Variants in DDC observed in about 807,000 individuals in gnomAD.
DDC encodes aromatic-L-amino-acid decarboxylase.
In DDC, 43 loss-of-function variants were observed where a neutral mutation model predicts 60.0. That is an observed-to-expected ratio of 0.72 (90% CI 0.56 to 0.92). The LOEUF is 0.92. Ranked by LOEUF, DDC falls within the 40% of genes least tolerant of loss-of-function variation. DDC has a pLI of 0.00. For missense variants in DDC, 573 were observed against 620.2 expected (o/e 0.92, Z 0.81); for synonymous variants, 232 against 234.6 (o/e 0.99, Z 0.10).
At chr7:50,520,130 A>G (rs2153543779) in intron 6 of DDC, among the ~76,000 whole-genome samples, 1 of 152,326 alleles carries the variant, frequency 6.6e-6, no homozygotes, top group Non-Finnish European at 1.5e-5. Flanking sequence ...CAGTCAGAAA[A>G]TAGGTAAGGA....
intron 6 of DDC, among the ~76,000 whole-genome samples, chr7:50,518,047 A>T (rs368401511): frequency 6.6e-6 from 1 of 151,706 alleles, no homozygotes; most frequent in Non-Finnish European, 1.5e-5. Flanking sequence ...ATCTCTACTA[A>T]AAAATACAAA....
intron 14 of DDC, among the ~76,000 whole-genome samples, chr7:50,461,950 T>C (rs193045583): frequency 5.3e-5 from 8 of 152,220 alleles, no homozygotes; most frequent in Admixed American, 4.6e-4. Flanking sequence ...GGCTTCAACT[T>C]TCAGGAGCCA....
At chr7:50,477,035 A>T (rs2042662133) in intron 10 of DDC, among the ~76,000 whole-genome samples, 3 of 152,222 alleles carry the variant, frequency 2.0e-5, no homozygotes, top group Admixed American at 1.3e-4. Context: ...AGTGATTAGA[A>T]TATTTTAAAA....
In DDC at chr7:50,562,877, T is replaced by C. The variant is rs1378841318; in HGVS notation, c.-29+2408A>G. On this transcript the variant is annotated intron_variant, in intron 1 of 14. Coordinates refer to ENST00000444124, the MANE Select transcript of DDC (RefSeq NM_001082971.2). The stretch of plus-strand genomic sequence containing the variant: ...AGTTATTCAGTAGCTATTAAAAAAA[T>C]GTCCAGACTGCCGGGCCCAGTGGCT... 2.6e-5 allele frequency among the ~76,000 whole-genome samples: 4 copies of C among 152,306 alleles called. No individual in the cohort carries two copies. The East Asian group carries it at 7.7e-4, about 29-fold the overall frequency.
chr7:50,460,398 G>T (rs541002757), intron 14 of DDC, among the ~76,000 whole-genome samples: 1,677 of 148,708 alleles, frequency 0.011, 115 homozygotes, highest in African/African-American at 0.041. Flanking sequence ...CGCCCCATCC[G>T]GGAGGAAGGT....
At chr7:50,517,167 C>A (rs6967361) in intron 6 of DDC, among the ~76,000 whole-genome samples, 106,730 of 152,032 alleles carry the variant, frequency 0.7, 37,890 homozygotes, top group East Asian at 0.8. Flanking sequence ...TGCTAAAATC[C>A]TTAACAAAAT....
chr7:50,537,314 T>G (rs2044448992), intron 4 of DDC, among the ~76,000 whole-genome samples: 1 of 152,260 alleles, frequency 6.6e-6, no homozygotes, highest in African/African-American at 2.4e-5. Flanking sequence ...CCACCTGTGC[T>G]GTCCTCCGAG....
chr7:50,470,442 G>A (rs543650936), intron 11 of DDC, among the ~76,000 whole-genome samples: 9 of 152,236 alleles, frequency 5.9e-5, no homozygotes, highest in Admixed American at 2.6e-4. Context: ...GGTGTTTGCG[G>A]CATGCACAGC....
chr7:50,514,484 C>A (rs967971418), intron 6 of DDC, among the ~76,000 whole-genome samples: 1 of 152,166 alleles, frequency 6.6e-6, no homozygotes, highest in South Asian at 2.1e-4. Flanking sequence ...AAGAAAAAAT[C>A]CCTGATTTAC....
chr7:50,496,095 CTT>C (rs112532220), intron 8 of DDC, among the ~76,000 whole-genome samples: 5 of 146,728 alleles, frequency 3.4e-5, no homozygotes, highest in Admixed American at 6.8e-5. Context: ...GCTTCTCTCT[CTT>C]TTTTTTTTTT....
Position 50,467,269 on chromosome 7 carries a change from G to C in DDC, c.1187C>G (p.Pro396Arg). 2 of 1,614,212 alleles carry C rather than the reference G, an allele frequency of 1.2e-6. No homozygotes were observed. Among genetic ancestry groups the C allele is most frequent in the Non-Finnish European group, 1.7e-6 (2 of 1,180,026 alleles). ...HEFESLVRQDPRFEICVEVIL... is the reference protein window; with the variant it reads ...HEFESLVRQDRRFEICVEVIL... ...GACTTCCACACAGATTTCAAAGCGG[G>C]GATCCTGGCGCACCAGTGACTCAAA... Residue 396 changes from proline (P) to arginine (R), a missense_variant, in exon 13 of 15, where the codon CCC (proline) becomes CGC (arginine). Coordinates refer to ENST00000444124, the MANE Select transcript of DDC (RefSeq NM_001082971.2).
At chr7:50,465,841 G>A (rs11768267) in intron 13 of DDC, among the ~76,000 whole-genome samples, 77,367 of 152,134 alleles carry the variant, frequency 0.51, 20,194 homozygotes, top group Admixed American at 0.6. Context: ...TTGGTTGACT[G>A]GACACATCCT....
At chr7:50,472,846 C>A (rs2042563759) in intron 11 of DDC, among the ~76,000 whole-genome samples, 1 of 152,176 alleles carries the variant, frequency 6.6e-6, no homozygotes, top group Non-Finnish European at 1.5e-5. Context: ...CCTTTTCACC[C>A]CACACTTTCT....
intron 6 of DDC, among the ~76,000 whole-genome samples, chr7:50,527,497 C>G (rs1585234338): frequency 6.6e-6 from 1 of 152,106 alleles, no homozygotes; most frequent in African/African-American, 2.4e-5. Flanking sequence ...TTCTTTCTAC[C>G]TGAATGATCT....
intron 13 of DDC, among the ~76,000 whole-genome samples, 169 bp from the exon 14 acceptor site, chr7:50,463,600 T>C (rs746823416): frequency 5.3e-5 from 8 of 152,198 alleles, no homozygotes; most frequent in Non-Finnish European, 5.9e-5. Flanking sequence ...ATAATAGTAA[T>C]GCACCCTAAA....
At chr7:50,515,193 G>A (rs1481823487) in intron 6 of DDC, among the ~76,000 whole-genome samples, 1 of 152,192 alleles carries the variant, frequency 6.6e-6, no homozygotes, top group Non-Finnish European at 1.5e-5. Flanking sequence ...AAACCTATCA[G>A]ATTAACAGCA....
chr7:50,491,350 A>AT (rs148236338), intron 9 of DDC, among the ~76,000 whole-genome samples: 1 of 151,538 alleles, frequency 6.6e-6, no homozygotes, highest in East Asian at 1.9e-4. Context: ...TCCTCCACCT[A>AT]TTTTTTTCCT....
chr7:50,491,425 A>G (rs957547539), intron 9 of DDC, among the ~76,000 whole-genome samples: 1 of 152,220 alleles, frequency 6.6e-6, no homozygotes, highest in Non-Finnish European at 1.5e-5. Flanking sequence ...GGACCTGTCT[A>G]GAAATAAACT....
At chr7:50,476,570 T>G in intron 11 of DDC, 54 bp downstream of exon 11, 1 of 1,398,814 alleles carries the variant, frequency 7.1e-7, no homozygotes, top group African/African-American at 2.1e-5. Context: ...AGCTGTGGCG[T>G]AGCCCCCCAG....
Sources: allele counts gnomAD v4.1 joint callset (sites outside exome capture counted in the v4.1 genomes callset), GRCh38; gene constraint gnomAD v4.1.1; transcripts MANE v1.5; gene names NCBI Gene and HGNC (gene_info 2026-07-23, HGNC 2026-07-21).